The following ITGB2 variants were observed in gnomAD, a reference collection of about 807,000 sequenced individuals.
ITGB2 encodes the protein integrin subunit beta 2.
ITGB2 carries 56 observed loss-of-function variants against 86.8 expected under a neutral mutation model. The observed-to-expected ratio is 0.65, with a 90% CI of 0.52 to 0.81. The LOEUF is 0.81. ITGB2 is among the 30% of genes least tolerant of loss of function. ITGB2 has a pLI of 0.00. For synonymous variants in ITGB2, 457 were observed against 450.4 expected, an observed-to-expected ratio of 1.01 and a Z score of -0.19; for missense variants, 948 against 1,061.2, an observed-to-expected ratio of 0.89 and a Z score of 1.48.
chr21:44,901,407 G>C lies in ITGB2; in HGVS notation c.741+85C>G, dbSNP rs572993331. On this transcript the variant is annotated intron_variant, in intron 6 of 15. Transcript: ENST00000652462. ...GTCCCTCAGACGACCTGCCGGCCAG[G>C]GTACCCCCCTGCCCCCACACAGCGC... The C allele has an allele frequency of 9.7e-5, 148 of 1,528,820 alleles. No individual in the cohort carries two copies. The African/African-American group carries it at 1.9e-3, about 19-fold the overall frequency. 94.7% of individuals were successfully genotyped at this position (1,528,820 alleles called of 1,614,324 possible). A position where few individuals can be genotyped will look rare whatever the true frequency, so the allele number is the denominator to read the frequency against.
At chr21:44,897,317 AAACCCCG>A (rs1448517211) in intron 8 of ITGB2, among the ~76,000 whole-genome samples, 1 of 152,088 alleles carries the variant, frequency 6.6e-6, no homozygotes, top group Non-Finnish European at 1.5e-5. Context: ...TTCCTTCCCC[AAACCCCG>A]AGTATGTCTC....
intron 2 of ITGB2, 67 bp downstream of exon 2, chr21:44,910,658 G>A (rs1469733740): frequency 6.4e-7 from 1 of 1,562,932 alleles, no homozygotes; most frequent in Non-Finnish European, 8.8e-7. Context: ...GGAAAGTGAG[G>A]GCAGGCCCTG....
chr21:44,892,375 T>C (rs567387630), intron 10 of ITGB2, among the ~76,000 whole-genome samples: 28 of 96,316 alleles, frequency 2.9e-4, no homozygotes, highest in Non-Finnish European at 4.9e-5. Flanking sequence ...ATCCCAGCAC[T>C]GTGGGAGGCC....
chr21:44,893,568 T>A, intron 9 of ITGB2, 24 bp from the exon 10 acceptor site: 1 of 1,612,922 alleles, frequency 6.2e-7, no homozygotes, highest in Non-Finnish European at 8.5e-7. Flanking sequence ...GCGGTTACTC[T>A]TGGGGGCGAG....
intron 6 of ITGB2, 29 bp downstream of exon 6, chr21:44,901,463 G>T (rs765395205): frequency 3.2e-5 from 52 of 1,611,268 alleles, no homozygotes; most frequent in Non-Finnish European, 4.1e-5. Flanking sequence ...GGGGGAACGT[G>T]GGGACCCAAG....
chr21:44,898,921 C>A (rs2083907034), intron 8 of ITGB2, 146 bp downstream of exon 8: 2 of 731,422 alleles, frequency 2.7e-6, no homozygotes, highest in East Asian at 5.4e-5. Context: ...GGGCTCCTCA[C>A]CTAGGGGGAT....
At chr21:44,907,345 A>C (rs1467877475) in intron 3 of ITGB2, among the ~76,000 whole-genome samples, 1 of 152,170 alleles carries the variant, frequency 6.6e-6, no homozygotes, top group Admixed American at 6.5e-5. Context: ...TAGCGGCAGA[A>C]AGGACTCAGG....
At chr21:44,926,510 G>A (rs1012227574) in intron 1 of ITGB2, among the ~76,000 whole-genome samples, 1 of 152,238 alleles carries the variant, frequency 6.6e-6, no homozygotes, top group Non-Finnish European at 1.5e-5. Context: ...CGGCATCCGT[G>A]GGGCCACGCC....
chr21:44,889,420 G>A lies in ITGB2; in HGVS notation c.1733C>T (p.Thr578Ile), dbSNP rs1335372766. 1.2e-6 allele frequency: 2 copies of A among 1,611,454 alleles called. No homozygotes were observed. Among genetic ancestry groups the A allele is most frequent in the Non-Finnish European group, 8.5e-7 (1 of 1,179,244 alleles). The part of the protein sequence containing the change: ...FEGSACQCER[T>I]TEGCLNPRRV... ...CCGCGGGTTCAGGCAGCCCTCAGTG[G>A]TCCTCTCGCACTGGCACGCTGAGCC... Residue 578 changes from threonine to isoleucine, a missense_variant, in exon 13 of 16, where the codon ACC becomes ATC. Physicochemically the swap from Thr to Ile is moderately conservative, Grantham distance 89. Transcript: ENST00000652462.
intron 1 of ITGB2, among the ~76,000 whole-genome samples, chr21:44,917,531 T>C (rs1303774003): frequency 6.6e-6 from 1 of 152,224 alleles, no homozygotes; most frequent in African/African-American, 2.4e-5. Context: ...CACTGTGACG[T>C]TGATGAGGAC....
chr21:44,903,370 C>G lies in ITGB2; in HGVS notation c.494G>C (p.Arg165Pro). Residue 165 changes from arginine to proline, a missense_variant, in exon 5 of 16, where the codon CGC (arginine) becomes CCC (proline). Coordinates refer to ENST00000652462, the MANE Select transcript of ITGB2 (RefSeq NM_000211.5). Reference protein sequence around the residue: ...RALNEITESGRIGFGSFVDKT... With the variant: ...RALNEITESGPIGFGSFVDKT... The stretch of plus-strand genomic sequence containing the variant: ...CTGCAGTGCCTGGGCCTCACCAATG[C>G]GGCCGGACTCGGTGATCTCGTTGAG... The G allele has an allele frequency of 6.2e-7, 1 of 1,613,988 alleles. No individual in the cohort carries two copies. Among genetic ancestry groups the G allele is most frequent in the Non-Finnish European group, 8.5e-7 (1 of 1,179,916 alleles).
At chr21:44,917,296 A>G (rs915690252) in intron 1 of ITGB2, among the ~76,000 whole-genome samples, 2 of 152,180 alleles carry the variant, frequency 1.3e-5, no homozygotes, top group Non-Finnish European at 2.9e-5. Context: ...TCGTGGTAAA[A>G]GTGAATTTAT....
At chr21:44,901,806 C>T (rs753413471) in intron 5 of ITGB2, 73 bp from the exon 6 acceptor site, 19 of 1,511,308 alleles carry the variant, frequency 1.3e-5, no homozygotes, top group South Asian at 6.1e-5. Context: ...CAAAGGGGCA[C>T]GAGGGCAAGC....
intron 1 of ITGB2, among the ~76,000 whole-genome samples, chr21:44,926,215 C>T (rs1262462538): frequency 7.6e-6 from 1 of 132,016 alleles, no homozygotes; most frequent in Non-Finnish European, 1.6e-5. Context: ...GAGCCGTGAC[C>T]TTGCTATGGG....
At chr21:44,886,609 G>T in intron 15 of ITGB2, 127 bp downstream of exon 15, 2 of 1,479,000 alleles carry the variant, frequency 1.4e-6, no homozygotes, top group South Asian at 1.1e-5. Context: ...GACGCCCAGA[G>T]GACAAGCTGC....
chr21:44,918,330 A>T (rs980162201), intron 1 of ITGB2, among the ~76,000 whole-genome samples: 1 of 152,252 alleles, frequency 6.6e-6, no homozygotes, highest in Non-Finnish European at 1.5e-5. Context: ...TGGAATCGCC[A>T]CAGGCGTCAC....
rs145795823 is a variant in ITGB2 at position 44,887,040 on chromosome 21, C to A, written c.2081-138G>T. 2,985 of 1,043,284 alleles carry A rather than the reference C, an allele frequency of 2.9e-3. 20 individuals are homozygous for A. Among genetic ancestry groups the A allele is most frequent in the African/African-American group, 0.02 (1,282 of 63,484 alleles). The allele number at this position is 1,043,284 out of a possible 1,614,324, so 64.6% of individuals were successfully genotyped here. On this transcript the variant is annotated intron_variant, in intron 14 of 15. Coordinates refer to ENST00000652462, the MANE Select transcript of ITGB2 (RefSeq NM_000211.5). ...AGGGCCCCGGCTCACCATCCATCAC[C>A]ATGGCCAGGGGTCAGTGAGAACCTG... is the stretch of plus-strand genomic sequence containing the variant.
chr21:44,904,402 A>G (rs2146533655), intron 4 of ITGB2, among the ~76,000 whole-genome samples: 1 of 151,826 alleles, frequency 6.6e-6, no homozygotes, highest in Non-Finnish European at 1.5e-5. Context: ...CTCACACACA[A>G]ATATAACTCA....
intron 3 of ITGB2, chr21:44,907,935 C>T: frequency 1.7e-6 from 1 of 604,268 alleles, no homozygotes; most frequent in East Asian, 2.8e-5. Flanking sequence ...AGCAAGTATC[C>T]CAGCAAGAGA....
Sources: gnomAD v4.1 joint callset for allele counts (sites outside exome capture counted in the v4.1 genomes callset) on GRCh38, gnomAD v4.1.1 for gene constraint, MANE v1.5 for transcripts, NCBI Gene and HGNC (gene_info 2026-07-23, HGNC 2026-07-21) for gene names.